ZNF517: variants seen among roughly 807,000 people sequenced by gnomAD.
The protein encoded by ZNF517 is zinc finger protein 517.
ZNF517 carries 12 observed loss-of-function variants against 12.1 expected under a neutral mutation model. That is an observed-to-expected ratio of 0.99 (90% confidence interval 0.63 to 1.61). The LOEUF (loss-of-function observed/expected upper bound fraction) is 1.61, where lower values mean the gene tolerates loss of function less well. Ranked by LOEUF, ZNF517 falls within the 40% of genes most tolerant of loss-of-function variation. The pLI is 0.00. For synonymous variants in ZNF517, 388 were observed against 310.2 expected (o/e 1.25, Z -2.63); for missense variants, 781 against 693.2 (o/e 1.13, Z -1.42).
At chr8:144,802,802 G>T in intron 1 of ZNF517, 68 bp from the exon 2 acceptor site, 3 of 1,593,346 alleles carry the variant, frequency 1.9e-6, no homozygotes, top group Non-Finnish European at 1.7e-6. Context: ...GGATCTGGAG[G>T]GGCCTTCTGG....
rs867510128 is a variant in ZNF517, at chr8:144,809,246, A to G, written c.*851A>G. ...CTCTCTGTCAGCCAGCCTGGAGTGC[A>G]ATGGCACAATCATGGCTTACTGCAG... On this transcript the variant is annotated 3_prime_UTR_variant, in exon 5 of 5. Transcript: ENST00000359971. The G allele has an allele frequency of 2.6e-5, 4 of 152,024 alleles. No individual in the cohort carries two copies. Among genetic ancestry groups the G allele is most frequent in the Non-Finnish European group, 5.9e-5 (4 of 68,064 alleles). The allele number at this position is 152,024 out of a possible 1,614,324, so 9.4% of individuals were successfully genotyped here.
rs1563810029 is a variant in ZNF517, at chr8:144,807,504, G to C, written c.588G>C (p.Gln196His). 1 of 1,591,468 alleles carries C rather than the reference G, an allele frequency of 6.3e-7. No homozygotes were observed. Among genetic ancestry groups the C allele is most frequent in the Non-Finnish European group, 8.6e-7 (1 of 1,169,464 alleles). Residue 196 changes from glutamine (Q) to histidine (H), a missense_variant, in exon 5 of 5, where the codon CAG becomes CAC. Gln to His is a conservative substitution (Grantham distance 24, BLOSUM62 0). Transcript: ENST00000359971. ...ACAACTCGCTGCTTCTCAGGCACCA[G>C]ATCATCCACACCGGCGCCAAGCCCT... The part of the protein sequence containing the change: ...FRYNSLLLRH[Q>H]IIHTGAKPFQ...
At chr8:144,807,048 C>T in intron 4 of ZNF517, 143 bp from the exon 5 acceptor site, 2 of 1,115,482 alleles carry the variant, frequency 1.8e-6, no homozygotes, top group East Asian at 2.8e-5. Flanking sequence ...CTCCTGTATA[C>T]AAGTTTTATT....
intron 1 of ZNF517, among the ~76,000 whole-genome samples, chr8:144,799,503 G>C (rs1295317131): frequency 1.3e-5 from 2 of 152,230 alleles, no homozygotes; most frequent in Non-Finnish European, 2.9e-5. Context: ...TTGTAATAGA[G>C]GTGAGGCGTT....
chr8:144,811,607 A>T (rs564853738), downstream of ZNF517, among the ~76,000 whole-genome samples: 4 of 137,728 alleles, frequency 2.9e-5, no homozygotes, highest in South Asian at 1.1e-3. Flanking sequence ...AGACACGGAC[A>T]GTAAAGCTCA....
chr8:144,807,999 C>T lies in ZNF517; in HGVS notation c.1083C>T (p.Pro361=). Residue 361 remains proline (P), a synonymous_variant, in exon 5 of 5, where the codon CCC becomes CCT. Transcript: ENST00000359971. Reference sequence around the variant, plus strand: ...CCCTGCTCGGAGCTGCGCAGAGGCCCCAGGCGGGGGACCCGCCCCACGAGT... The same window carrying T: ...CCCTGCTCGGAGCTGCGCAGAGGCCTCAGGCGGGGGACCCGCCCCACGAGT... The part of the protein sequence containing the change: ...QGALLGAAQR[P]QAGDPPHECP... 1 of 1,561,806 alleles carries T rather than the reference C, an allele frequency of 6.4e-7. No individual in the cohort carries two copies. Among genetic ancestry groups the T allele is most frequent in the Non-Finnish European group, 8.7e-7 (1 of 1,154,172 alleles).
In ZNF517 at chr8:144,808,122, C is replaced by G. The variant is rs371020411; in HGVS notation, c.1206C>G (p.Gly402=). 6.2e-5 allele frequency: 100 copies of G among 1,611,922 alleles called. No individual in the cohort carries two copies. Among genetic ancestry groups the G allele is most frequent in the Non-Finnish European group, 8.1e-5 (95 of 1,179,514 alleles). ...AGCCGTTCGAGTGCGCGGAGTGCGG[C>G]AAGGCCTTCGGTCGCAAGTCCAACC... ...GEKPFECAEC[G]KAFGRKSNLT... The change falls in exon 5 of 5, where the codon GGC becomes GGG. Residue 402 remains glycine, a synonymous_variant. Transcript: ENST00000359971.
chr8:144,807,645 G>A lies in ZNF517; in HGVS notation c.729G>A (p.Arg243=). Residue 243 remains arginine (R), a synonymous_variant, in exon 5 of 5, where the codon CGG becomes CGA. Coordinates refer to ENST00000359971, the MANE Select transcript of ZNF517 (RefSeq NM_213605.3). ...GCGGCGAGTGCGGGAAGGCCTTCCG[G>A]CAGAGCACGCAGCTGGCTGCCCACC... The part of the protein sequence containing the change: ...FQCGECGKAF[R]QSTQLAAHHR... The A allele has an allele frequency of 6.2e-7, 1 of 1,609,126 alleles. No individual in the cohort carries two copies. The highest frequency in any genetic ancestry group is 8.5e-7 in the Non-Finnish European group (1 of 1,179,038).
At position 144,807,898 on chromosome 8, in the gene ZNF517, C is replaced by T. The variant is rs368552133; in HGVS notation, c.982C>T (p.Arg328Ter). ...RCLRCGQRFI[R>*]GSSLLKHHRL... ...CCTGCGGTGTGGGCAGCGCTTCATC[C>T]GAGGGTCCTCGCTCCTGAAGCACCA... Residue 328 changes from arginine to a stop codon, truncating the protein, a stop_gained, in exon 5 of 5, where the codon CGA (arginine) becomes TGA (stop). Transcript: ENST00000359971. LOFTEE classifies it low-confidence loss of function (END_TRUNC). The T allele has an allele frequency of 1.8e-5, 27 of 1,536,860 alleles. No homozygotes were observed. The highest frequency in any genetic ancestry group is 2.3e-5 in the East Asian group (1 of 43,718).
chr8:144,807,877 C>G lies in ZNF517; in HGVS notation c.961C>G (p.Arg321Gly), dbSNP rs781198948. The change falls in exon 5 of 5, where the codon CGG (arginine) becomes GGG (glycine). Residue 321 changes from arginine to glycine, a missense_variant. Coordinates refer to ENST00000359971, the MANE Select transcript of ZNF517 (RefSeq NM_213605.3). ...CGGGGAGCGGCCCTACCGGTGCCTGCGGTGTGGGCAGCGCTTCATCCGAGG... is the reference window on the plus strand; with the variant it reads ...CGGGGAGCGGCCCTACCGGTGCCTGGGGTGTGGGCAGCGCTTCATCCGAGG... ...HSGERPYRCL[R>G]CGQRFIRGSS... 2 of 1,562,724 alleles carry G rather than the reference C, an allele frequency of 1.3e-6. No homozygotes were observed. Among genetic ancestry groups the G allele is most frequent in the Middle Eastern group, 1.7e-4 (1 of 5,802 alleles).
At chr8:144,810,578 G>C (rs1004914175), downstream of ZNF517, 5 of 232,050 alleles carry the variant, frequency 2.2e-5, no homozygotes, top group East Asian at 3.4e-4. Flanking sequence ...AGGAAAGCAC[G>C]AAGGTCAGGG....
rs994395994 is a variant in ZNF517, at chr8:144,802,744, G to A, written c.-45-126G>A. On this transcript the variant is annotated intron_variant, in intron 1 of 4. Coordinates refer to ENST00000359971, the MANE Select transcript of ZNF517 (RefSeq NM_213605.3). ...TACACCTCCTTGGGACGTGAAGGAG[G>A]CGGCTGATGTGATTGCCCTAGCACT... The A allele has an allele frequency of 7.8e-6, 11 of 1,401,786 alleles. No individual in the cohort carries two copies. In the African/African-American group the frequency reaches 1.3e-4, roughly 17 times the overall value. 86.8% of individuals were successfully genotyped at this position (1,401,786 alleles called of 1,614,324 possible).
At position 144,807,801 on chromosome 8, in the gene ZNF517, C is replaced by G. The variant is rs1827335826; in HGVS notation, c.885C>G (p.Gly295=). 6.2e-7 allele frequency: 1 copy of G among 1,610,996 alleles called. No homozygotes were observed. The highest frequency in any genetic ancestry group is 8.5e-7 in the Non-Finnish European group (1 of 1,178,936). The part of the protein sequence containing the change: ...GEKPFACTEC[G]KAFCRRFTLN... ...AGCCCTTCGCGTGCACAGAGTGCGG[C>G]AAGGCGTTCTGCCGCAGGTTCACCC... Residue 295 remains glycine (G), a synonymous_variant, in exon 5 of 5, where the codon GGC becomes GGG. Transcript: ENST00000359971.
At chr8:144,803,363 T>C in intron 2 of ZNF517, 1 of 485,304 alleles carries the variant, frequency 2.1e-6, no homozygotes, top group South Asian at 2.9e-5. Flanking sequence ...AAATCCCTGA[T>C]AGCCTGTGGA....
intron 1 of ZNF517, among the ~76,000 whole-genome samples, chr8:144,799,715 C>T (rs983673911): frequency 4.6e-5 from 7 of 152,218 alleles, no homozygotes; most frequent in South Asian, 2.1e-4. Context: ...CCGAGGCGGG[C>T]GGATCACGAG....
intron 1 of ZNF517, among the ~76,000 whole-genome samples, chr8:144,801,230 C>T (rs899816226): frequency 2.6e-5 from 4 of 152,176 alleles, no homozygotes; most frequent in African/African-American, 9.6e-5. Flanking sequence ...TGGATAGCCC[C>T]GGAGACCTTC....
rs761651298 is a variant in ZNF517 at position 144,807,445 on chromosome 8, C to T, written c.529C>T (p.Arg177Cys). The change falls in exon 5 of 5, where the codon CGC (arginine) becomes TGC (cysteine). Residue 177 changes from arginine (R) to cysteine (C), a missense_variant. By Grantham distance (180) the Arg-to-Cys change is radical. Coordinates refer to ENST00000359971, the MANE Select transcript of ZNF517 (RefSeq NM_213605.3). The stretch of plus-strand genomic sequence containing the variant: ...CCGGCCTGTGGGGAGCTCAGCCCCC[C>T]GCTACAGGTGCGTGTGCGGCAAGGC... ...LGRPVGSSAPRYRCVCGKAFR... is the reference protein window; with the variant it reads ...LGRPVGSSAPCYRCVCGKAFR... 7.0e-5 allele frequency: 110 copies of T among 1,574,402 alleles called. 1 individual carries two copies. The South Asian group carries it at 9.9e-4, about 14-fold the overall frequency.
At chr8:144,802,363 G>A (rs1028519097) in intron 1 of ZNF517, among the ~76,000 whole-genome samples, 2 of 152,204 alleles carry the variant, frequency 1.3e-5, no homozygotes, top group Admixed American at 6.5e-5. Context: ...GCGACAGAGC[G>A]AAACCCCGTC....
rs748449960 is a variant in ZNF517, at chr8:144,807,377, G to T, written c.461G>T (p.Arg154Leu). ...GATAAACCCACCCACCCCCGGGCTCGGGAGCACAGCGCCTCCCCAAGGGTT... is the reference window on the plus strand; with the variant it reads ...GATAAACCCACCCACCCCCGGGCTCTGGAGCACAGCGCCTCCCCAAGGGTT... ...GSDKPTHPRA[R>L]EHSASPRVLQ... The change falls in exon 5 of 5, where the codon CGG (arginine) becomes CTG (leucine). Residue 154 changes from arginine to leucine, a missense_variant. Physicochemically the swap from Arg to Leu is moderately radical, Grantham distance 102. Coordinates refer to ENST00000359971, the MANE Select transcript of ZNF517 (RefSeq NM_213605.3). The T allele has an allele frequency of 5.1e-6, 8 of 1,556,626 alleles. No individual in the cohort carries two copies. In the South Asian group the frequency reaches 7.0e-5, roughly 14 times the overall value.
Sources: gnomAD v4.1 joint callset for allele counts (sites outside exome capture counted in the v4.1 genomes callset) on GRCh38, gnomAD v4.1.1 for gene constraint, MANE v1.5 for transcripts, NCBI Gene and HGNC (gene_info 2026-07-23, HGNC 2026-07-21) for gene names.